The following IL1RAP variants were observed in gnomAD, a reference collection of about 807,000 sequenced individuals.
IL1RAP encodes interleukin 1 receptor accessory protein, also known as interleukin-1 receptor accessory protein.
In IL1RAP, 35 loss-of-function variants were observed where a neutral mutation model predicts 60.7. The observed-to-expected ratio is 0.58, with a 90% CI of 0.44 to 0.76. IL1RAP has a LOEUF of 0.76. Ranked by LOEUF, IL1RAP falls within the 30% of genes least tolerant of loss-of-function variation. The pLI, the probability that IL1RAP is intolerant of heterozygous loss-of-function variation, is 0.00. For missense variants in IL1RAP, 572 were observed against 693.9 expected (o/e 0.82, Z 1.97); for synonymous variants, 268 against 250.9 (o/e 1.07, Z -0.64).
At chr3:190,572,561 G>C (rs544033015) in intron 3 of IL1RAP, among the ~76,000 whole-genome samples, 1 of 152,298 alleles carries the variant, frequency 6.6e-6, no homozygotes, top group South Asian at 2.1e-4. Context: ...TCCTGGATCT[G>C]ATGTAAACCC....
chr3:190,559,432 A>C (rs529399330), intron 2 of IL1RAP, among the ~76,000 whole-genome samples: 8 of 152,016 alleles, frequency 5.3e-5, no homozygotes, highest in Admixed American at 1.3e-4. Context: ...TGTTTCATTT[A>C]TTCTTCTTTC....
At chr3:190,573,276 C>T (rs149527458) in intron 3 of IL1RAP, among the ~76,000 whole-genome samples, 1 of 152,130 alleles carries the variant, frequency 6.6e-6, no homozygotes, top group African/African-American at 2.4e-5. Flanking sequence ...GTGTAAGACT[C>T]TGGACCCCCT....
chr3:190,596,767 T>C (rs1043994559), intron 3 of IL1RAP, among the ~76,000 whole-genome samples: 6 of 152,230 alleles, frequency 3.9e-5, no homozygotes, highest in Non-Finnish European at 8.8e-5. Flanking sequence ...TTTGCTGTTA[T>C]TAGAGACAAA....
chr3:190,573,232 A>G (rs1727150391), intron 3 of IL1RAP, among the ~76,000 whole-genome samples: 2 of 152,196 alleles, frequency 1.3e-5, no homozygotes, highest in East Asian at 1.9e-4. Context: ...CATGCCCCTC[A>G]GGATAATGAA....
At chr3:190,648,180 C>T (rs754369919) in intron 11 of IL1RAP, among the ~76,000 whole-genome samples, 158 bp from the exon 12 acceptor site, 1 of 152,150 alleles carries the variant, frequency 6.6e-6, no homozygotes, top group Non-Finnish European at 1.5e-5. Context: ...AGAGAGTTTG[C>T]AGGTATAAGG....
intron 3 of IL1RAP, among the ~76,000 whole-genome samples, chr3:190,565,480 G>T (rs539164561): frequency 6.6e-6 from 1 of 152,252 alleles, no homozygotes; most frequent in East Asian, 1.9e-4. Context: ...TTCTGGGTGC[G>T]TTTCAGCTTT....
rs1469485336 is a variant in IL1RAP at position 190,613,122 on chromosome 3, G to C, written c.537+3941G>C. Among the ~76,000 whole-genome samples the C allele has an allele frequency of 2.6e-5, 4 of 152,254 alleles. No individual in the cohort carries two copies. In the East Asian group the frequency reaches 7.7e-4, roughly 29 times the overall value. Reference sequence around the variant, plus strand: ...GAGTGACAAGGAGAAAATACTGTTGGTTTTAAGGAGAGAGAGATATGTATC... The same window carrying C: ...GAGTGACAAGGAGAAAATACTGTTGCTTTTAAGGAGAGAGAGATATGTATC... On this transcript the variant is annotated intron_variant, in intron 5 of 11. Transcript: ENST00000447382.
chr3:190,591,558 A>G (rs768923958), intron 3 of IL1RAP, among the ~76,000 whole-genome samples: 7 of 152,104 alleles, frequency 4.6e-5, no homozygotes, highest in Non-Finnish European at 8.8e-5. Context: ...TGAGGCCTGT[A>G]TTTTCTGGGA....
At chr3:190,516,606 G>A (rs574765609) in intron 1 of IL1RAP, among the ~76,000 whole-genome samples, 2 of 152,142 alleles carry the variant, frequency 1.3e-5, no homozygotes, top group Non-Finnish European at 2.9e-5. Flanking sequence ...ATAGAGGAAG[G>A]AGCCCAGGTT....
chr3:190,538,198 A>G (rs1044973663), intron 1 of IL1RAP, among the ~76,000 whole-genome samples: 3 of 152,134 alleles, frequency 2.0e-5, no homozygotes, highest in Non-Finnish European at 2.9e-5. Context: ...TATGCCTTAC[A>G]CTGTTGCTTC....
intron 9 of IL1RAP, among the ~76,000 whole-genome samples, chr3:190,639,105 T>C (rs914068285): frequency 1.3e-5 from 2 of 152,066 alleles, no homozygotes; most frequent in Non-Finnish European, 2.9e-5. Flanking sequence ...GTGTCCTTTG[T>C]GTGTGTGTGT....
exon 12 of IL1RAP, chr3:190,658,871 G>A (rs781547685): frequency 2.6e-5 from 4 of 152,070 alleles, no homozygotes; most frequent in Non-Finnish European, 5.9e-5. Context: ...CCTGAAACTT[G>A]TAATCAGAAA....
intron 4 of IL1RAP, among the ~76,000 whole-genome samples, chr3:190,607,974 G>C (rs558821533): frequency 6.6e-6 from 1 of 152,084 alleles, no homozygotes; most frequent in African/African-American, 2.4e-5. Flanking sequence ...AAACAAAGGC[G>C]TTTTATGATC....
At chr3:190,552,381 G>A (rs1241238321) in intron 1 of IL1RAP, among the ~76,000 whole-genome samples, 2 of 152,088 alleles carry the variant, frequency 1.3e-5, no homozygotes, top group East Asian at 1.9e-4. Context: ...TTCACACAGG[G>A]AATTTTTGCA....
chr3:190,625,450 G>A (rs1732171052), intron 7 of IL1RAP, among the ~76,000 whole-genome samples: 1 of 152,108 alleles, frequency 6.6e-6, no homozygotes, highest in African/African-American at 2.4e-5. Flanking sequence ...AGGGTGACTG[G>A]GGAAGAGGCT....
intron 9 of IL1RAP, among the ~76,000 whole-genome samples, chr3:190,635,790 G>T (rs1351295114): frequency 6.6e-6 from 1 of 152,140 alleles, no homozygotes; most frequent in Non-Finnish European, 1.5e-5. Flanking sequence ...TAGAAAAAAA[G>T]TCTGGGAGCA....
rs767976748 is a variant in IL1RAP at position 190,645,753 on chromosome 3, A to C, written c.1256A>C (p.Glu419Ala). The C allele has an allele frequency of 6.2e-7, 1 of 1,613,130 alleles. No homozygotes were observed. The highest frequency in any genetic ancestry group is 8.5e-7 in the Non-Finnish European group (1 of 1,179,120). ...VSYARNAEEE[E>A]FVLLTLRGVL... ...TATGCAAGGAATGCGGAAGAAGAAG[A>C]ATTTGTATTACTGACCCTCCGTGGA... Residue 419 changes from glutamate (E) to alanine (A), a missense_variant, in exon 11 of 12, where the codon GAA becomes GCA. By Grantham distance (107) the Glu-to-Ala change is moderately radical. Coordinates refer to ENST00000447382, the MANE Select transcript of IL1RAP (RefSeq NM_002182.4).
chr3:190,543,222 A>T (rs1724092665), intron 1 of IL1RAP, among the ~76,000 whole-genome samples: 1 of 152,160 alleles, frequency 6.6e-6, no homozygotes, highest in African/African-American at 2.4e-5. Flanking sequence ...CCCACCCATG[A>T]TGATCTGAGA....
intron 1 of IL1RAP, among the ~76,000 whole-genome samples, chr3:190,530,551 A>G (rs1377669876): frequency 5.9e-5 from 9 of 152,150 alleles, no homozygotes; most frequent in Admixed American, 5.2e-4. Context: ...TATGGCTGCT[A>G]TTGTCAACTC....
Sources: gnomAD v4.1 joint callset for allele counts (sites outside exome capture counted in the v4.1 genomes callset) on GRCh38, gnomAD v4.1.1 for gene constraint, MANE v1.5 for transcripts, NCBI Gene and HGNC (gene_info 2026-07-23, HGNC 2026-07-21) for gene names.